The following MTUS2 variants were observed in gnomAD, a reference collection of about 807,000 sequenced individuals.
MTUS2 encodes microtubule-associated tumor suppressor candidate 2.
In MTUS2, 40 loss-of-function variants were observed where a neutral mutation model predicts 114.1. The ratio of observed to expected loss-of-function variants is 0.35; its 90% CI spans 0.27 to 0.46. The LOEUF (loss-of-function observed/expected upper bound fraction) is 0.46. Ranked by LOEUF, MTUS2 falls within the 20% of genes least tolerant of loss-of-function variation. The pLI is 1.00. For synonymous variants in MTUS2, 688 were observed against 672.0 expected, an observed-to-expected ratio of 1.02 and a Z score of -0.37; for missense variants, 1,679 against 1,705.4, an observed-to-expected ratio of 0.98 and a Z score of 0.27.
intron 5 of MTUS2, among the ~76,000 whole-genome samples, chr13:29,133,544 A>G (rs1891853616): frequency 6.6e-6 from 1 of 152,196 alleles, no homozygotes; most frequent in Non-Finnish European, 1.5e-5. Flanking sequence ...TGTTAGGTAA[A>G]GGCCCAACTT....
chr13:29,126,641 T>C (rs1028812464), intron 5 of MTUS2, among the ~76,000 whole-genome samples: 1 of 152,172 alleles, frequency 6.6e-6, no homozygotes, highest in Non-Finnish European at 1.5e-5. Context: ...ATTTTTTTTT[T>C]TAAATTTTAG....
At chr13:29,465,423 C>A (rs562335881) in intron 9 of MTUS2, among the ~76,000 whole-genome samples, 2 of 152,334 alleles carry the variant, frequency 1.3e-5, no homozygotes, top group South Asian at 4.1e-4. Flanking sequence ...TGCTCTTAGA[C>A]ACTTGTGCTT....
At chr13:29,225,247 A>T (rs1896060945) in intron 5 of MTUS2, among the ~76,000 whole-genome samples, 1 of 152,070 alleles carries the variant, frequency 6.6e-6, no homozygotes, top group African/African-American at 2.4e-5. Flanking sequence ...CTCTTTCTTC[A>T]TTTGCAAGAG....
chr13:29,386,661 T>G (rs1424147492), intron 8 of MTUS2, among the ~76,000 whole-genome samples: 1 of 152,200 alleles, frequency 6.6e-6, no homozygotes, highest in East Asian at 1.9e-4. Context: ...AACAGATTTT[T>G]TAATGAGTTA....
At chr13:29,312,076 G>A (rs1433879571) in intron 6 of MTUS2, among the ~76,000 whole-genome samples, 4 of 152,094 alleles carry the variant, frequency 2.6e-5, no homozygotes, top group East Asian at 3.9e-4. Flanking sequence ...GCTCTGCAGC[G>A]CCCTTGCCCT....
At chr13:28,934,292 T>G (rs1881775916) in intron 2 of MTUS2, among the ~76,000 whole-genome samples, 2 of 152,212 alleles carry the variant, frequency 1.3e-5, no homozygotes, top group Non-Finnish European at 2.9e-5. Context: ...TGTTTCCTTC[T>G]TCTTCTTGTG....
chr13:29,055,849 T>A (rs1888110103), intron 4 of MTUS2, among the ~76,000 whole-genome samples: 1 of 152,120 alleles, frequency 6.6e-6, no homozygotes, highest in Non-Finnish European at 1.5e-5. Context: ...GCTGTGTGTA[T>A]GTCTTCTTTT....
chr13:28,946,487 G>A (rs1566243253), intron 2 of MTUS2, among the ~76,000 whole-genome samples: 1 of 152,124 alleles, frequency 6.6e-6, no homozygotes, highest in Admixed American at 6.5e-5. Context: ...GAGATGGCTT[G>A]ATCAGCATCA....
intron 5 of MTUS2, among the ~76,000 whole-genome samples, chr13:29,174,372 A>G (rs1893684351): frequency 6.6e-6 from 1 of 152,172 alleles, no homozygotes; most frequent in Admixed American, 6.6e-5. Flanking sequence ...GAAATCCTTC[A>G]CACTATTTAA....
chr13:28,832,610 A>G (rs1174796994), intron 1 of MTUS2, among the ~76,000 whole-genome samples: 1 of 149,792 alleles, frequency 6.7e-6, no homozygotes, highest in Non-Finnish European at 1.5e-5. Flanking sequence ...AGGGCAAACT[A>G]AATAAGTATG....
At position 29,372,956 on chromosome 13, in the gene MTUS2, AG is replaced by A. The variant is rs148924899; in HGVS notation, c.3117+13484del. On this transcript the variant is annotated intron_variant, in intron 8 of 15. Coordinates refer to ENST00000612955, the MANE Select transcript of MTUS2 (RefSeq NM_001033602.4). ...TATTTGAGAACTTAAAAGGATATGC[AG>A]TGGGCAGATTAGAAAGAAGAGTTGA... Among the ~76,000 whole-genome samples, 619 of 152,362 alleles carry A rather than the reference AG, an allele frequency of 4.1e-3. 3 individuals carry two copies. The highest frequency in any genetic ancestry group is 0.014 in the African/African-American group (580 of 41,590).
chr13:28,839,418 GCT>G (rs1039832437), intron 1 of MTUS2, among the ~76,000 whole-genome samples: 1 of 152,050 alleles, frequency 6.6e-6, no homozygotes, highest in Non-Finnish European at 1.5e-5. Context: ...CCTGACAAAA[GCT>G]CTGTCTTAAG....
chr13:29,409,213 G>A (rs964831468), intron 8 of MTUS2, among the ~76,000 whole-genome samples: 3 of 152,126 alleles, frequency 2.0e-5, no homozygotes, highest in African/African-American at 4.8e-5. Context: ...CTACTCGGGA[G>A]GCTGAGGCAG....
chr13:29,113,234 T>C (rs1890951867), intron 5 of MTUS2, among the ~76,000 whole-genome samples: 1 of 152,202 alleles, frequency 6.6e-6, no homozygotes. Context: ...GAGGGATGTA[T>C]GCAGCCCTGA....
In MTUS2 at chr13:29,084,524, CCT is replaced by C. The variant is rs199635021; in HGVS notation, c.2447-16245_2447-16244del. The stretch of plus-strand genomic sequence containing the variant: ...CTCTTTTTCCTTTCCCCTCCCCTCC[CCT>C]CTCCCCCCCTTCTTTTCTTCTTTCC... On this transcript the variant is annotated intron_variant, in intron 4 of 15. Transcript: ENST00000612955. Among the ~76,000 whole-genome samples the C allele has an allele frequency of 8.1e-4, 48 of 59,406 alleles. 1 individual carries two copies. Among genetic ancestry groups the C allele is most frequent in the African/African-American group, 2.1e-3 (38 of 17,776 alleles). The allele number at this position is 59,406 out of a possible 152,430, so 39.0% of individuals were successfully genotyped here. A position where few individuals can be genotyped will look rare whatever the true frequency, so the allele number is the denominator to read the frequency against.
At chr13:29,299,874 AAT>A (rs921566687) in intron 6 of MTUS2, among the ~76,000 whole-genome samples, 60 of 152,144 alleles carry the variant, frequency 3.9e-4, no homozygotes, top group Non-Finnish European at 5.9e-4. Flanking sequence ...TGAAAAAAAA[AAT>A]TGCACAGAAA....
rs376321092 is a variant in MTUS2 at position 28,836,292 on chromosome 13, C to A, written c.-315-3486C>A. Among the ~76,000 whole-genome samples, 7 of 152,274 alleles carry A rather than the reference C, an allele frequency of 4.6e-5. No individual in the cohort carries two copies. In the East Asian group the frequency reaches 9.6e-4, roughly 21 times the overall value. On this transcript the variant is annotated intron_variant, in intron 1 of 15. Coordinates refer to ENST00000612955, the MANE Select transcript of MTUS2 (RefSeq NM_001033602.4). ...TAGCCACATTTCAAGTGCTCATTGGCCACCCCTTGCTGAGTGGCTACTGTC... is the reference window on the plus strand; with the variant it reads ...TAGCCACATTTCAAGTGCTCATTGGACACCCCTTGCTGAGTGGCTACTGTC...
chr13:29,386,918 C>G (rs7325080), intron 8 of MTUS2, among the ~76,000 whole-genome samples: 3 of 152,202 alleles, frequency 2.0e-5, no homozygotes, highest in Non-Finnish European at 4.4e-5. Context: ...GGTTCAAAGG[C>G]AATTCCTCCA....
chr13:28,962,070 T>C (rs1883353283), intron 2 of MTUS2, among the ~76,000 whole-genome samples: 1 of 151,242 alleles, frequency 6.6e-6, no homozygotes, highest in Non-Finnish European at 1.5e-5. Flanking sequence ...TATAAAGAGA[T>C]TTTAAAATAT....
Sources: allele counts gnomAD v4.1 joint callset (sites outside exome capture counted in the v4.1 genomes callset), GRCh38; gene constraint gnomAD v4.1.1; transcripts MANE v1.5; gene names NCBI Gene and HGNC (gene_info 2026-07-23, HGNC 2026-07-21).